Variants in PREX1 observed in about 807,000 individuals in gnomAD.
The protein encoded by PREX1 is phosphatidylinositol 3,4,5-trisphosphate-dependent Rac exchanger 1 protein.
Under a neutral mutation model 198.3 loss-of-function variants are expected in PREX1, and 41 were observed. That is an observed-to-expected ratio of 0.21 (90% CI 0.16 to 0.27). The LOEUF (loss-of-function observed/expected upper bound fraction) is 0.27. PREX1 is among the 10% of genes least tolerant of loss of function. The pLI, the probability that PREX1 is intolerant of heterozygous loss-of-function variation, is 1.00. For missense variants in PREX1, 1,620 were observed against 2,200.7 expected, an observed-to-expected ratio of 0.74 and a Z score of 5.28; for synonymous variants, 843 against 887.2, an observed-to-expected ratio of 0.95 and a Z score of 0.89.
chr20:48,777,570 T>C (rs2090268218), intron 1 of PREX1, among the ~76,000 whole-genome samples: 1 of 152,066 alleles, frequency 6.6e-6, no homozygotes, highest in East Asian at 1.9e-4. Flanking sequence ...GAACCTGAAA[T>C]GCTGTTGCCC....
At chr20:48,649,617 C>T (rs1362448895) in intron 24 of PREX1, 41 bp from the exon 25 acceptor site, 2 of 1,538,912 alleles carry the variant, frequency 1.3e-6, no homozygotes, top group Middle Eastern at 1.7e-4. Context: ...AAACAGCCCC[C>T]AGCATCCACT....
At chr20:48,742,841 G>A (rs140525061) in intron 3 of PREX1, among the ~76,000 whole-genome samples, 65 of 152,246 alleles carry the variant, frequency 4.3e-4, no homozygotes, top group Non-Finnish European at 7.9e-4. Flanking sequence ...ACTGACAAGC[G>A]AGTTAAACCC....
intron 1 of PREX1, among the ~76,000 whole-genome samples, chr20:48,818,210 G>T (rs2090467126): frequency 6.6e-6 from 1 of 152,106 alleles, no homozygotes; most frequent in Non-Finnish European, 1.5e-5. Context: ...TGGGCGAGGG[G>T]GTAAGAGCTA....
chr20:48,675,256 G>A (rs1365059590), intron 14 of PREX1, among the ~76,000 whole-genome samples: 2 of 152,194 alleles, frequency 1.3e-5, no homozygotes, highest in African/African-American at 4.8e-5. Context: ...CAGCAGCAAG[G>A]CAGCATCTTG....
At chr20:48,788,072 T>C (rs1440062101) in intron 1 of PREX1, among the ~76,000 whole-genome samples, 1 of 152,144 alleles carries the variant, frequency 6.6e-6, no homozygotes, top group Non-Finnish European at 1.5e-5. Flanking sequence ...CGGGGGACCA[T>C]GAGAGAATGT....
intron 14 of PREX1, among the ~76,000 whole-genome samples, chr20:48,675,066 C>T (rs970403642): frequency 3.3e-5 from 5 of 152,232 alleles, no homozygotes; most frequent in African/African-American, 1.2e-4. Flanking sequence ...AGACATACTG[C>T]TACGGTTTGA....
At chr20:48,661,468 T>TATATATATATATATACATATACAC (rs1373152651) in intron 15 of PREX1, among the ~76,000 whole-genome samples, 37 of 76,794 alleles carry the variant, frequency 4.8e-4, no homozygotes, top group African/African-American at 3.7e-3. Flanking sequence ...TATATATATA[T>TATATATATATATATACATATACAC]ACACACACAT....
At chr20:48,830,448 T>C (rs2090534780), upstream of PREX1, among the ~76,000 whole-genome samples, 1 of 152,230 alleles carries the variant, frequency 6.6e-6, no homozygotes, top group African/African-American at 2.4e-5. Context: ...TGATGTAAAG[T>C]ACCTGACACA....
intron 1 of PREX1, among the ~76,000 whole-genome samples, chr20:48,797,548 A>C (rs2090368646): frequency 6.6e-6 from 1 of 151,608 alleles, no homozygotes; most frequent in African/African-American, 2.4e-5. Context: ...TCCCCCCAAA[A>C]AAGAGGCCCA....
intron 1 of PREX1, among the ~76,000 whole-genome samples, chr20:48,824,534 TACA>T (rs917116496): frequency 6.6e-5 from 10 of 152,368 alleles, no homozygotes; most frequent in Admixed American, 1.3e-4. Context: ...TTAATTTTCC[TACA>T]ACAACAATAA....
chr20:48,738,177 G>T (rs565017172), intron 3 of PREX1, among the ~76,000 whole-genome samples: 1 of 152,260 alleles, frequency 6.6e-6, no homozygotes, highest in African/African-American at 2.4e-5. Flanking sequence ...CAGTCACTGG[G>T]TAGTGCCAGC....
chr20:48,803,526 G>A (rs1320913525), intron 1 of PREX1, among the ~76,000 whole-genome samples: 1 of 152,004 alleles, frequency 6.6e-6, no homozygotes, highest in African/African-American at 2.4e-5. Context: ...GAGAGGGAGG[G>A]CCACCTGTCA....
chr20:48,738,682 G>C (rs1184762407), intron 3 of PREX1, among the ~76,000 whole-genome samples: 5 of 152,098 alleles, frequency 3.3e-5, no homozygotes, highest in Non-Finnish European at 5.9e-5. Flanking sequence ...TGTGGGTTTG[G>C]GGGGAGAAGG....
At chr20:48,629,306 T>C in intron 37 of PREX1, 143 bp downstream of exon 37, 1 of 1,164,614 alleles carries the variant, frequency 8.6e-7, no homozygotes, top group Non-Finnish European at 1.2e-6. Flanking sequence ...CAAACTGAGG[T>C]GCAGACAGAG....
the PREX1 span, among the ~76,000 whole-genome samples, chr20:48,843,609 C>G: frequency 2.0e-5 from 3 of 152,204 alleles, no homozygotes; most frequent in Non-Finnish European, 4.4e-5. Context: ...TCACTGGCTC[C>G]CTACTGCTGA....
At chr20:48,807,897 G>A (rs2090418867) in intron 1 of PREX1, among the ~76,000 whole-genome samples, 1 of 152,138 alleles carries the variant, frequency 6.6e-6, no homozygotes, top group South Asian at 2.1e-4. Context: ...CTAGAGGGGT[G>A]TGGGGGAGCA....
At chr20:48,697,833 T>C (rs1438889168) in intron 7 of PREX1, among the ~76,000 whole-genome samples, 1 of 152,166 alleles carries the variant, frequency 6.6e-6, no homozygotes, top group Non-Finnish European at 1.5e-5. Flanking sequence ...CGTTTTCCAC[T>C]TCTGACACCC....
the PREX1 span, among the ~76,000 whole-genome samples, chr20:48,844,441 C>A: frequency 6.6e-6 from 1 of 152,092 alleles, no homozygotes; most frequent in Non-Finnish European, 1.5e-5. Context: ...AGAGAATGAA[C>A]CCTCCTCACC....
chr20:48,869,929 G>A, the PREX1 span, among the ~76,000 whole-genome samples: 1 of 152,130 alleles, frequency 6.6e-6, no homozygotes, highest in South Asian at 2.1e-4. Context: ...GTTGATAGGT[G>A]CAGCAAACCA....
Sources: gnomAD v4.1 joint callset for allele counts (sites outside exome capture counted in the v4.1 genomes callset) on GRCh38, gnomAD v4.1.1 for gene constraint, MANE v1.5 for transcripts, NCBI Gene and HGNC (gene_info 2026-07-23, HGNC 2026-07-21) for gene names.